Variants in AOAH observed in about 807,000 individuals in gnomAD.
AOAH encodes acyloxyacyl hydrolase.
Under a neutral mutation model 92.2 loss-of-function variants are expected in AOAH, and 64 were observed. That is an observed-to-expected ratio of 0.69 (90% CI 0.57 to 0.86). The LOEUF (loss-of-function observed/expected upper bound fraction) is 0.86, where lower values mean the gene tolerates loss of function less well. AOAH is among the 40% of genes least tolerant of loss of function. AOAH has a pLI of 0.00. For missense variants in AOAH, 656 were observed against 694.6 expected (o/e 0.94, Z 0.62); for synonymous variants, 263 against 254.5 (o/e 1.03, Z -0.32).
intron 3 of AOAH, among the ~76,000 whole-genome samples, chr7:36,670,767 G>A (rs1438467522): frequency 2.6e-5 from 4 of 152,130 alleles, no homozygotes; most frequent in South Asian, 2.1e-4. Flanking sequence ...GAGCCACCGC[G>A]CCCGGCCCGC....
intron 1 of AOAH, among the ~76,000 whole-genome samples, chr7:36,723,409 C>T (rs201406549): frequency 1.3e-5 from 2 of 152,170 alleles, no homozygotes; most frequent in South Asian, 4.1e-4. Context: ...GCCATATCAA[C>T]GCTCAGCGTC....
intron 1 of AOAH, among the ~76,000 whole-genome samples, chr7:36,696,372 C>A (rs373600621): frequency 6.6e-5 from 10 of 152,238 alleles, no homozygotes; most frequent in Admixed American, 3.3e-4. Flanking sequence ...GAGAGTGCAG[C>A]CATCTTAACA....
intron 13 of AOAH, among the ~76,000 whole-genome samples, chr7:36,560,754 G>A (rs1031168112): frequency 2.0e-5 from 3 of 152,176 alleles, no homozygotes; most frequent in Admixed American, 1.3e-4. Context: ...CTCTGGCAAG[G>A]ACTTCCAGTA....
chr7:36,711,503 T>C (rs1798767944), intron 1 of AOAH, among the ~76,000 whole-genome samples: 1 of 152,182 alleles, frequency 6.6e-6, no homozygotes, highest in Admixed American at 6.5e-5. Flanking sequence ...TCTTCAGGTT[T>C]CCACCTCAGA....
chr7:36,608,294 T>G (rs72630144), intron 11 of AOAH, among the ~76,000 whole-genome samples: 3,707 of 152,300 alleles, frequency 0.024, 146 homozygotes, highest in East Asian at 0.13. Flanking sequence ...ACTGTCCCTC[T>G]GACACTGGCC....
At chr7:36,716,970 T>TAATAAATAAATA (rs200867596) in intron 1 of AOAH, among the ~76,000 whole-genome samples, 11 of 142,812 alleles carry the variant, frequency 7.7e-5, no homozygotes, top group South Asian at 4.5e-4. Context: ...ACTTAAAGTA[T>TAATAAATAAATA]AATAAATAAA....
At chr7:36,547,555 A>G (rs1785891085) in intron 15 of AOAH, among the ~76,000 whole-genome samples, 1 of 152,110 alleles carries the variant, frequency 6.6e-6, no homozygotes, top group African/African-American at 2.4e-5. Context: ...CCATTAATCA[A>G]CCCTGTTGCC....
At chr7:36,654,558 G>T (rs1388579303) in intron 4 of AOAH, among the ~76,000 whole-genome samples, 1 of 152,130 alleles carries the variant, frequency 6.6e-6, no homozygotes, top group Admixed American at 6.5e-5. Flanking sequence ...GATCTCTGTT[G>T]CTCTGCTCTG....
intron 20 of AOAH, among the ~76,000 whole-genome samples, chr7:36,519,994 G>A (rs1311339831): frequency 1.3e-5 from 2 of 152,212 alleles, no homozygotes; most frequent in Admixed American, 6.5e-5. Context: ...CAATATACAT[G>A]ATAAATAGGC....
intron 19 of AOAH, among the ~76,000 whole-genome samples, chr7:36,529,056 A>C (rs1784546629): frequency 6.6e-6 from 1 of 152,198 alleles, no homozygotes; most frequent in Non-Finnish European, 1.5e-5. Context: ...TTTTCTGTGT[A>C]CCAGGCATAA....
chr7:36,519,408 G>A (rs1783994645), intron 20 of AOAH, among the ~76,000 whole-genome samples: 1 of 152,166 alleles, frequency 6.6e-6, no homozygotes, highest in South Asian at 2.1e-4. Context: ...CATGGTCTTT[G>A]TTCTGACATC....
At chr7:36,551,266 G>T (rs982539165) in intron 13 of AOAH, among the ~76,000 whole-genome samples, 1 of 151,908 alleles carries the variant, frequency 6.6e-6, no homozygotes, top group Non-Finnish European at 1.5e-5. Flanking sequence ...TAGAGATGGG[G>T]TTTCACCATG....
At chr7:36,633,838 C>T (rs946751176) in intron 5 of AOAH, among the ~76,000 whole-genome samples, 4 of 152,256 alleles carry the variant, frequency 2.6e-5, no homozygotes, top group South Asian at 4.1e-4. Context: ...GTGCTATTGC[C>T]ATGTTGAGCC....
intron 6 of AOAH, among the ~76,000 whole-genome samples, chr7:36,629,887 G>A (rs1471659742): frequency 1.3e-5 from 2 of 152,150 alleles, no homozygotes; most frequent in African/African-American, 4.8e-5. Flanking sequence ...CCTAACCCCT[G>A]GTATCTGCGA....
chr7:36,619,412 C>A (rs1009346920), intron 9 of AOAH, among the ~76,000 whole-genome samples: 6 of 152,174 alleles, frequency 3.9e-5, no homozygotes, highest in Non-Finnish European at 8.8e-5. Flanking sequence ...CTCACTTGGC[C>A]TTCCTCCTTA....
At chr7:36,720,803 C>T (rs1207392470) in intron 1 of AOAH, among the ~76,000 whole-genome samples, 2 of 16,872 alleles carry the variant, frequency 1.2e-4, no homozygotes, top group Non-Finnish European at 2.2e-4. Flanking sequence ...TCCCTGCTCT[C>T]GCATATTCAG....
At chr7:36,607,128 C>T (rs1791062503) in intron 11 of AOAH, among the ~76,000 whole-genome samples, 1 of 152,160 alleles carries the variant, frequency 6.6e-6, no homozygotes, top group South Asian at 2.1e-4. Context: ...GGGGCTGCTG[C>T]AGGGAGAATG....
Position 36,656,829 on chromosome 7 carries a change from G to A in AOAH, c.390+2337C>T, listed in dbSNP as rs115709627. Reference sequence around the variant, plus strand: ...ACCACGGCACCTAGATAAGGGCTTCGAAATGTAAAAAGGCTTGGGGGAAGG... The same window carrying A: ...ACCACGGCACCTAGATAAGGGCTTCAAAATGTAAAAAGGCTTGGGGGAAGG... On this transcript the variant is annotated intron_variant, in intron 4 of 20. Transcript: ENST00000617537. Among the ~76,000 whole-genome samples, 904 of 136,536 alleles carry A rather than the reference G, an allele frequency of 6.6e-3. 12 individuals are homozygous for A. The highest frequency in any genetic ancestry group is 0.023 in the African/African-American group (824 of 35,670). 89.6% of individuals were successfully genotyped at this position (136,536 alleles called of 152,430 possible). A position where few individuals can be genotyped will look rare whatever the true frequency, so the allele number is the denominator to read the frequency against.
intron 6 of AOAH, among the ~76,000 whole-genome samples, chr7:36,624,412 T>C (rs930256743): frequency 1.3e-5 from 2 of 152,214 alleles, no homozygotes; most frequent in Non-Finnish European, 2.9e-5. Context: ...AGAGCCTAAA[T>C]GGCAGCCTGG....
Sources: allele counts gnomAD v4.1 joint callset (sites outside exome capture counted in the v4.1 genomes callset), GRCh38; gene constraint gnomAD v4.1.1; transcripts MANE v1.5; gene names NCBI Gene and HGNC (gene_info 2026-07-23, HGNC 2026-07-21).